RBFOX1: variants seen among roughly 807,000 people sequenced by gnomAD.
The protein encoded by RBFOX1 is RNA binding protein fox-1 homolog 1.
A neutral mutation model predicts 57.7 loss-of-function variants in RBFOX1; 8 were observed. The observed-to-expected ratio is 0.14, with a 90% CI of 0.08 to 0.25. The LOEUF (loss-of-function observed/expected upper bound fraction) is 0.25. Among genes scored for constraint, RBFOX1 ranks in the 10% least tolerant of loss-of-function variants. RBFOX1 has a pLI of 1.00. For synonymous variants in RBFOX1, 326 were observed against 222.4 expected (o/e 1.47, Z -4.15); for missense variants, 611 against 548.5 (o/e 1.11, Z -1.14).
intron 1 of RBFOX1, chr16:6,090,148 T>C (rs992087146): frequency 1.3e-5 from 2 of 152,140 alleles, no homozygotes; most frequent in Non-Finnish European, 2.9e-5. Context: ...GTGAGTTGAG[T>C]CCTTTTTCAC....
rs533436077 is a variant in RBFOX1 at position 7,401,496 on chromosome 16, G to A, written c.28-116651G>A. ...AAATATGTTGATAGACCCTCAAACA[G>A]ATTAGGTAGGTAAAAAATAGAAAAA... On this transcript the variant is annotated intron_variant, in intron 4 of 15. Transcript: ENST00000550418. Among the ~76,000 whole-genome samples the A allele has an allele frequency of 4.1e-4, 62 of 152,272 alleles. No individual in the cohort carries two copies. The South Asian group carries it at 0.012, about 31-fold the overall frequency.
intron 4 of RBFOX1, among the ~76,000 whole-genome samples, chr16:5,932,063 C>T (rs1423763673): frequency 6.6e-6 from 1 of 152,176 alleles, no homozygotes; most frequent in Non-Finnish European, 1.5e-5. Flanking sequence ...CTTGGCTTCC[C>T]AAAGTGTTGC....
At chr16:6,620,060 T>A (rs984956323) in intron 2 of RBFOX1, among the ~76,000 whole-genome samples, 1 of 152,212 alleles carries the variant, frequency 6.6e-6, no homozygotes, top group African/African-American at 2.4e-5. Context: ...TATGGCTGCA[T>A]AGCATTCCAT....
At chr16:7,446,574 T>G in intron 4 of RBFOX1, among the ~76,000 whole-genome samples, 1 of 152,226 alleles carries the variant, frequency 6.6e-6, no homozygotes, top group Middle Eastern at 3.4e-3. Flanking sequence ...GTGAGCAGAT[T>G]TAGGATGACT....
At chr16:5,325,342 T>A (rs2064538954) in intron 1 of RBFOX1, among the ~76,000 whole-genome samples, 3 of 152,210 alleles carry the variant, frequency 2.0e-5, no homozygotes, top group African/African-American at 7.2e-5. Context: ...GTATCTGCAT[T>A]TACTTTTCTT....
intron 4 of RBFOX1, among the ~76,000 whole-genome samples, chr16:7,335,105 G>A (rs945634304): frequency 6.6e-6 from 1 of 152,172 alleles, no homozygotes; most frequent in Non-Finnish European, 1.5e-5. Flanking sequence ...AATCACCCCA[G>A]TGCAGTAATA....
intron 3 of RBFOX1, among the ~76,000 whole-genome samples, chr16:5,828,332 G>A (rs1444594013): frequency 2.0e-5 from 3 of 152,156 alleles, no homozygotes; most frequent in African/African-American, 7.2e-5. Flanking sequence ...GAATAAACAT[G>A]GTATTAAAGG....
At chr16:7,631,703 G>T (rs1348709577) in intron 11 of RBFOX1, among the ~76,000 whole-genome samples, 3 of 152,152 alleles carry the variant, frequency 2.0e-5, no homozygotes, top group Non-Finnish European at 2.9e-5. Flanking sequence ...AGGAGTACCA[G>T]GCTCAAGGGA....
chr16:5,971,567 C>G (rs2059962378), intron 4 of RBFOX1, among the ~76,000 whole-genome samples: 1 of 152,136 alleles, frequency 6.6e-6, no homozygotes, highest in South Asian at 2.1e-4. Flanking sequence ...AGTTAAAATC[C>G]TGCTAATGCA....
At chr16:6,449,705 A>G (rs984378979) in intron 2 of RBFOX1, among the ~76,000 whole-genome samples, 12 of 152,152 alleles carry the variant, frequency 7.9e-5, no homozygotes, top group African/African-American at 2.9e-4. Context: ...GTGCTGTTTA[A>G]GAGTGTTTTT....
At chr16:6,646,219 A>G (rs1006823187) in intron 2 of RBFOX1, among the ~76,000 whole-genome samples, 57 of 152,258 alleles carry the variant, frequency 3.7e-4, no homozygotes, top group African/African-American at 1.3e-3. Context: ...GGCTCTAGGC[A>G]GCGTGATCCG....
At chr16:6,125,862 C>T (rs964159655) in intron 1 of RBFOX1, among the ~76,000 whole-genome samples, 23 of 151,922 alleles carry the variant, frequency 1.5e-4, no homozygotes, top group East Asian at 7.7e-4. Context: ...CTGATACTGC[C>T]GGGGAGAGAT....
At chr16:5,836,499 A>G (rs940162654) in intron 3 of RBFOX1, among the ~76,000 whole-genome samples, 1 of 152,134 alleles carries the variant, frequency 6.6e-6, no homozygotes, top group Non-Finnish European at 1.5e-5. Flanking sequence ...CTTCTTCTTT[A>G]GGAGCCATCC....
intron 3 of RBFOX1, among the ~76,000 whole-genome samples, chr16:5,797,528 G>C (rs1417154014): frequency 1.3e-5 from 2 of 152,154 alleles, no homozygotes; most frequent in African/African-American, 4.8e-5. Context: ...TGAGTAGCTG[G>C]GGACCAATTA....
intron 1 of RBFOX1, among the ~76,000 whole-genome samples, chr16:5,269,960 G>C (rs987306256): frequency 3.9e-5 from 6 of 152,116 alleles, no homozygotes; most frequent in Middle Eastern, 3.2e-3. Flanking sequence ...TTCCAGGCCA[G>C]CGTTGGCAAC....
chr16:5,749,820 G>A (rs147807975), intron 3 of RBFOX1, among the ~76,000 whole-genome samples: 1,755 of 152,142 alleles, frequency 0.012, 39 homozygotes, highest in African/African-American at 0.04. Context: ...AACTTCCTCC[G>A]TTAGTTCAGA....
At chr16:6,216,528 G>C (rs1598442957) in intron 1 of RBFOX1, among the ~76,000 whole-genome samples, 1 of 152,324 alleles carries the variant, frequency 6.6e-6, no homozygotes, top group Admixed American at 6.5e-5. Context: ...GTTGTCCTGA[G>C]TAGCCTCTGC....
intron 1 of RBFOX1, among the ~76,000 whole-genome samples, chr16:6,202,481 A>G (rs930417512): frequency 1.3e-5 from 2 of 152,208 alleles, no homozygotes; most frequent in Non-Finnish European, 2.9e-5. Flanking sequence ...ACTTCACTCA[A>G]GAACTTAAGA....
At chr16:7,482,987 G>A (rs1174287884) in intron 4 of RBFOX1, among the ~76,000 whole-genome samples, 1 of 152,136 alleles carries the variant, frequency 6.6e-6, no homozygotes, top group Non-Finnish European at 1.5e-5. Flanking sequence ...ATGTGCCTAT[G>A]ATTGTCAGCT....
Sources: allele counts gnomAD v4.1 joint callset (sites outside exome capture counted in the v4.1 genomes callset), GRCh38; gene constraint gnomAD v4.1.1; transcripts MANE v1.5; gene names NCBI Gene and HGNC (gene_info 2026-07-23, HGNC 2026-07-21).